Variants in LDB2 observed in about 807,000 individuals in gnomAD.
The protein encoded by LDB2 is LIM domain-binding protein 2.
LDB2 carries 12 observed loss-of-function variants against 44.3 expected under a neutral mutation model. The ratio of observed to expected loss-of-function variants is 0.27; its 90% CI spans 0.17 to 0.44. The LOEUF is 0.44. Among genes scored for constraint, LDB2 ranks in the 20% least tolerant of loss-of-function variants. The pLI, the probability that LDB2 is intolerant of heterozygous loss-of-function variation, is 1.00. For synonymous variants in LDB2, 164 were observed against 174.8 expected (o/e 0.94, Z 0.49); for missense variants, 344 against 473.5 (o/e 0.73, Z 2.54).
intron 2 of LDB2, among the ~76,000 whole-genome samples, chr4:16,757,116 T>A (rs1328354365): frequency 6.6e-6 from 1 of 152,186 alleles, no homozygotes; most frequent in Non-Finnish European, 1.5e-5. Context: ...TGCCTGGACC[T>A]CGAACGGGTT....
At chr4:16,522,688 T>C (rs1453658104) in intron 5 of LDB2, among the ~76,000 whole-genome samples, 1 of 152,144 alleles carries the variant, frequency 6.6e-6, no homozygotes, top group Admixed American at 6.5e-5. Context: ...ACCTGAAAAT[T>C]AGATTTTGAT....
chr4:16,511,249 C>G (rs994636221), intron 6 of LDB2, among the ~76,000 whole-genome samples: 2 of 152,062 alleles, frequency 1.3e-5, no homozygotes, highest in Non-Finnish European at 2.9e-5. Flanking sequence ...CTACATTTTG[C>G]TTTTATGATG....
chr4:16,846,309 T>C (rs1786995012), intron 1 of LDB2, among the ~76,000 whole-genome samples: 1 of 152,220 alleles, frequency 6.6e-6, no homozygotes, highest in Non-Finnish European at 1.5e-5. Context: ...CCTATCAAGA[T>C]GGCTAACAAA....
chr4:16,743,827 T>C (rs1763825492), intron 2 of LDB2, among the ~76,000 whole-genome samples: 2 of 152,188 alleles, frequency 1.3e-5, no homozygotes, highest in Admixed American at 1.3e-4. Flanking sequence ...CCCAGCAACC[T>C]AGCCTGGACT....
chr4:16,896,910 C>A lies in LDB2; in HGVS notation c.132+1444G>T, dbSNP rs1725170664. On this transcript the variant is annotated intron_variant, in intron 1 of 7. Transcript: ENST00000304523. ...CAAATATCAGTCACTGCCAACAGTT[C>A]ACTATCCTAAGCAAAACATAGTTTG... 5.3e-5 allele frequency among the ~76,000 whole-genome samples: 8 copies of A among 152,296 alleles called. No homozygotes were observed. The South Asian group carries it at 1.2e-3, about 24-fold the overall frequency.
At chr4:16,632,052 T>C (rs111594530) in intron 2 of LDB2, among the ~76,000 whole-genome samples, 1 of 151,974 alleles carries the variant, frequency 6.6e-6, no homozygotes, top group East Asian at 1.9e-4. Context: ...TTCCAATCAA[T>C]AGAAAAAGAG....
intron 2 of LDB2, among the ~76,000 whole-genome samples, chr4:16,727,375 C>T (rs2152691701): frequency 6.6e-6 from 1 of 152,306 alleles, no homozygotes; most frequent in South Asian, 2.1e-4. Flanking sequence ...GTGTGTCTGT[C>T]AAGCCCACAT....
chr4:16,661,538 G>T (rs1741593179), intron 2 of LDB2, among the ~76,000 whole-genome samples: 1 of 152,146 alleles, frequency 6.6e-6, no homozygotes, highest in South Asian at 2.1e-4. Context: ...GCTGTTGTGA[G>T]AATTAAATGA....
chr4:16,545,127 C>A (rs1735280019), intron 5 of LDB2, among the ~76,000 whole-genome samples: 1 of 151,780 alleles, frequency 6.6e-6, no homozygotes, highest in Non-Finnish European at 1.5e-5. Flanking sequence ...TCCCTCCCTC[C>A]CGCTCCTTTT....
chr4:16,752,512 C>T (rs1190775404), intron 2 of LDB2: 4 of 425,198 alleles, frequency 9.4e-6, no homozygotes, highest in African/African-American at 8.3e-5. Flanking sequence ...CAGAGTTCTT[C>T]CCACTATGTG....
intron 2 of LDB2, among the ~76,000 whole-genome samples, chr4:16,698,668 T>C (rs1260217196): frequency 6.6e-6 from 1 of 152,232 alleles, no homozygotes; most frequent in Non-Finnish European, 1.5e-5. Flanking sequence ...ATAATTCACA[T>C]TACAGATATT....
chr4:16,570,245 C>G (rs902322322), intron 5 of LDB2, among the ~76,000 whole-genome samples: 1 of 151,612 alleles, frequency 6.6e-6, no homozygotes, highest in East Asian at 1.9e-4. Context: ...GGGCGGATCA[C>G]GAGGTCAGGA....
intron 2 of LDB2, among the ~76,000 whole-genome samples, chr4:16,688,243 G>C (rs1015131963): frequency 5.3e-5 from 8 of 152,286 alleles, no homozygotes; most frequent in Admixed American, 2.0e-4. Flanking sequence ...CAGGAACTTG[G>C]AATAAGACAA....
chr4:16,865,579 T>C (rs905340021), intron 1 of LDB2, among the ~76,000 whole-genome samples: 3 of 152,138 alleles, frequency 2.0e-5, no homozygotes, highest in African/African-American at 7.2e-5. Context: ...GGTAAATGTG[T>C]CCATGTCCCT....
At chr4:16,817,255 ACT>A (rs1458688559) in intron 1 of LDB2, among the ~76,000 whole-genome samples, 1 of 152,082 alleles carries the variant, frequency 6.6e-6, no homozygotes, top group East Asian at 1.9e-4. Flanking sequence ...TCGACTTCCT[ACT>A]CTCTCCTGAT....
intron 5 of LDB2, among the ~76,000 whole-genome samples, chr4:16,512,560 A>ATGCTAG (rs1185795738): frequency 6.6e-6 from 1 of 152,242 alleles, no homozygotes; most frequent in Non-Finnish European, 1.5e-5. Context: ...GTGAGTTACA[A>ATGCTAG]TGCTAGTTTA....
At chr4:16,619,760 C>T (rs935733866) in intron 2 of LDB2, among the ~76,000 whole-genome samples, 4 of 150,144 alleles carry the variant, frequency 2.7e-5, no homozygotes, top group African/African-American at 9.8e-5. Context: ...CCCTAGAACT[C>T]CCTTTTGTCT....
intron 1 of LDB2, among the ~76,000 whole-genome samples, chr4:16,876,683 A>G (rs1225876002): frequency 6.6e-6 from 1 of 152,014 alleles, no homozygotes; most frequent in African/African-American, 2.4e-5. Context: ...TTAAGGATTC[A>G]ATTTGCATAG....
chr4:16,531,206 T>G (rs532705398), intron 5 of LDB2, among the ~76,000 whole-genome samples: 1 of 152,206 alleles, frequency 6.6e-6, no homozygotes, highest in Non-Finnish European at 1.5e-5. Context: ...TACAAAACTG[T>G]TATCCCTCTG....
Sources: gnomAD v4.1 joint callset for allele counts (sites outside exome capture counted in the v4.1 genomes callset) on GRCh38, gnomAD v4.1.1 for gene constraint, MANE v1.5 for transcripts, NCBI Gene and HGNC (gene_info 2026-07-23, HGNC 2026-07-21) for gene names.